Variants in CIROZ observed in about 807,000 individuals in gnomAD.
CIROZ encodes the protein ciliated left-right organizer ZP-N domains-containing protein.
chr1:10,965,827 A>G, the CIROZ span, among the ~76,000 whole-genome samples: 59 of 152,242 alleles, frequency 3.9e-4, no homozygotes, highest in African/African-American at 1.3e-3. Context: ...CGTCAAAAAA[A>G]AAAAAAAAAG....
the CIROZ span, chr1:10,947,758 G>T: frequency 6.3e-7 from 1 of 1,593,466 alleles, no homozygotes; most frequent in Non-Finnish European, 8.6e-7. Context: ...GGCTCTGTCA[G>T]CTCCTGCTGG....
the CIROZ span, chr1:10,946,567 G>A: frequency 0.087 from 13,242 of 152,222 alleles, 1,052 homozygotes; most frequent in African/African-American, 0.21. Context: ...CCAGTGATGG[G>A]TCTGCCTGGA....
the CIROZ span, chr1:10,948,693 G>A: frequency 6.6e-5 from 106 of 1,594,120 alleles, no homozygotes; most frequent in Non-Finnish European, 8.5e-5. Context: ...CGAGGGGAGC[G>A]TGGCTGGAGG....
At chr1:10,980,335 C>G in the CIROZ span, among the ~76,000 whole-genome samples, 60 of 152,370 alleles carry the variant, frequency 3.9e-4, no homozygotes, top group African/African-American at 1.4e-3. Flanking sequence ...CCCGCTGCCC[C>G]GCTTCATTCG....
the CIROZ span, chr1:10,949,536 C>T: frequency 1.4e-6 from 2 of 1,440,764 alleles, no homozygotes; most frequent in Non-Finnish European, 1.9e-6. Flanking sequence ...AAGAGAAGGG[C>T]CTCAGGCCCA....
At chr1:10,979,199 G>A in the CIROZ span, among the ~76,000 whole-genome samples, 14 of 152,180 alleles carry the variant, frequency 9.2e-5, no homozygotes, top group African/African-American at 3.4e-4. Context: ...CACCATGTTG[G>A]CCATGGCTGG....
chr1:10,967,476 G>A, the CIROZ span, among the ~76,000 whole-genome samples: 3 of 152,046 alleles, frequency 2.0e-5, no homozygotes, highest in South Asian at 2.1e-4. Context: ...AACACTCCCC[G>A]ATCCTGCCCT....
chr1:10,949,567 T>C, the CIROZ span: 37 of 1,551,464 alleles, frequency 2.4e-5, no homozygotes, highest in East Asian at 2.6e-4. Context: ...CCGATACTTC[T>C]TGGGGACCAG....
the CIROZ span, chr1:10,949,791 A>C: frequency 6.4e-7 from 1 of 1,569,438 alleles, no homozygotes; most frequent in Non-Finnish European, 8.6e-7. Flanking sequence ...GCAGCAGTTG[A>C]GGCAGGCGAC....
the CIROZ span, among the ~76,000 whole-genome samples, chr1:10,956,248 A>G: frequency 6.6e-6 from 1 of 152,138 alleles, no homozygotes. Flanking sequence ...GGACCTCTTT[A>G]TATGACATAA....
the CIROZ span, chr1:10,955,160 A>G: frequency 6.2e-7 from 1 of 1,608,800 alleles, no homozygotes; most frequent in Non-Finnish European, 8.5e-7. Context: ...ATGTGAACTA[A>G]GACCTCCGAC....
chr1:10,947,873 G>T, the CIROZ span: 210 of 1,611,586 alleles, frequency 1.3e-4, no homozygotes, highest in Non-Finnish European at 9.5e-5. Flanking sequence ...TGGATGGAGG[G>T]CTGGACGTGT....
At chr1:10,957,560 G>C in the CIROZ span, 347,062 of 1,596,652 alleles carry the variant, frequency 0.22, 42,172 homozygotes, top group South Asian at 0.44. Context: ...GCTCTTCTAG[G>C]TGCTATGCCC....
At chr1:10,955,680 T>C in the CIROZ span, among the ~76,000 whole-genome samples, 2 of 151,672 alleles carry the variant, frequency 1.3e-5, no homozygotes, top group African/African-American at 2.4e-5. Context: ...CCATCTCTAC[T>C]AAAAACACAA....
chr1:10,957,994 C>T, the CIROZ span, among the ~76,000 whole-genome samples: 6 of 152,332 alleles, frequency 3.9e-5, no homozygotes, highest in East Asian at 3.9e-4. Flanking sequence ...AGGTGTACAA[C>T]GCAACTGAAA....
chr1:10,979,775 C>T, the CIROZ span, among the ~76,000 whole-genome samples: 1 of 152,200 alleles, frequency 6.6e-6, no homozygotes, highest in South Asian at 2.1e-4. Context: ...TGGACGGGTG[C>T]AGTGGCTCAC....
chr1:10,980,413 G>T, the CIROZ span, among the ~76,000 whole-genome samples: 1 of 152,280 alleles, frequency 6.6e-6, no homozygotes, highest in Non-Finnish European at 1.5e-5. Flanking sequence ...GGGCTCTGCT[G>T]CCTGGACACT....
chr1:10,981,431 A>G, the CIROZ span, among the ~76,000 whole-genome samples: 1 of 152,046 alleles, frequency 6.6e-6, no homozygotes, highest in Non-Finnish European at 1.5e-5. Flanking sequence ...AGCCTGGGCA[A>G]CAGAGCAAGA....
chr1:10,955,500 C>T, the CIROZ span, among the ~76,000 whole-genome samples: 12 of 152,164 alleles, frequency 7.9e-5, no homozygotes, highest in Admixed American at 5.9e-4. Context: ...TCTTTGGCTT[C>T]GGTGACCTAG....
Sources: gnomAD v4.1 joint callset for allele counts (sites outside exome capture counted in the v4.1 genomes callset) on GRCh38, gnomAD v4.1.1 for gene constraint, MANE v1.5 for transcripts, NCBI Gene and HGNC (gene_info 2026-07-23, HGNC 2026-07-21) for gene names.